The following COL11A1 variants were observed in gnomAD, a reference collection of about 807,000 sequenced individuals.
The protein encoded by COL11A1 is collagen type XI alpha 1 chain.
A neutral mutation model predicts 265.2 loss-of-function variants in COL11A1; 74 were observed. That is an observed-to-expected ratio of 0.28 (90% CI 0.23 to 0.34). The LOEUF (loss-of-function observed/expected upper bound fraction) is 0.34. COL11A1 is among the 10% of genes least tolerant of loss of function. The pLI is 1.00. For synonymous variants in COL11A1, 816 were observed against 727.6 expected, an observed-to-expected ratio of 1.12 and a Z score of -1.96; for missense variants, 2,165 against 2,263.6, an observed-to-expected ratio of 0.96 and a Z score of 0.88.
At chr1:102,946,542 A>G (rs1659292496) in intron 42 of COL11A1, among the ~76,000 whole-genome samples, 1 of 152,158 alleles carries the variant, frequency 6.6e-6, no homozygotes, top group East Asian at 1.9e-4. Flanking sequence ...GTAAAGCAGC[A>G]AGGTATAGCT....
chr1:103,082,556 G>A (rs1260932886), intron 2 of COL11A1, among the ~76,000 whole-genome samples: 2 of 152,060 alleles, frequency 1.3e-5, no homozygotes, highest in African/African-American at 4.8e-5. Flanking sequence ...TATTTTCACA[G>A]AAATGTGATT....
chr1:103,067,483 G>A (rs908145423), intron 4 of COL11A1, among the ~76,000 whole-genome samples: 4 of 151,784 alleles, frequency 2.6e-5, no homozygotes, highest in African/African-American at 9.7e-5. Context: ...AGCTAAAACT[G>A]TGTTTAGAGA....
Position 103,108,492 on chromosome 1 carries a change from T to C in COL11A1, c.-314A>G. On this transcript the variant is annotated 5_prime_UTR_variant, in exon 1 of 67. Transcript: ENST00000370096. ...GCTTCCACCAACAAGCTGAGAGTACTGTGTGCCCCTAAAGGCTTCATGCCG... is the reference window on the plus strand; with the variant it reads ...GCTTCCACCAACAAGCTGAGAGTACCGTGTGCCCCTAAAGGCTTCATGCCG... The C allele has an allele frequency of 1.7e-6, 1 of 589,270 alleles. No individual in the cohort carries two copies. The highest frequency in any genetic ancestry group is 2.1e-5 in the South Asian group (1 of 46,916). The allele number at this position is 589,270 out of a possible 1,614,324, so 36.5% of individuals were successfully genotyped here. A position where few individuals can be genotyped will look rare whatever the true frequency, so the allele number is the denominator to read the frequency against.
At chr1:102,890,417 T>C in intron 58 of COL11A1, 34 bp downstream of exon 58, 1 of 1,564,532 alleles carries the variant, frequency 6.4e-7, no homozygotes, top group Non-Finnish European at 8.7e-7. Context: ...TAAAAGCATA[T>C]TCTTTTATTA....
Position 102,912,282 on chromosome 1 carries a change from T to A in COL11A1, c.4033-70A>T, listed in dbSNP as rs1570705817. The stretch of plus-strand genomic sequence containing the variant: ...TTGTGGCCCACATAAATTTTCAAAA[T>A]CTGGATGGAAACCAACCCTCTTTCT... On this transcript the variant is annotated intron_variant, in intron 53 of 66. Transcript: ENST00000370096. 5.4e-6 allele frequency: 7 copies of A among 1,294,114 alleles called. No individual in the cohort carries two copies. The East Asian group carries it at 1.5e-4, about 28-fold the overall frequency. 80.2% of individuals were successfully genotyped at this position (1,294,114 alleles called of 1,614,324 possible). A position where few individuals can be genotyped will look rare whatever the true frequency, so the allele number is the denominator to read the frequency against.
At chr1:102,969,107 A>C (rs542967793) in intron 37 of COL11A1, among the ~76,000 whole-genome samples, 3 of 152,158 alleles carry the variant, frequency 2.0e-5, no homozygotes, top group African/African-American at 7.2e-5. Flanking sequence ...ATATCCAAAC[A>C]GTTTTTTCTT....
intron 30 of COL11A1, among the ~76,000 whole-genome samples, chr1:102,985,546 T>C (rs1663451221): frequency 6.6e-6 from 1 of 152,200 alleles, no homozygotes; most frequent in African/African-American, 2.4e-5. Flanking sequence ...CTATTTGTTT[T>C]CTTTGGTAAT....
intron 30 of COL11A1, among the ~76,000 whole-genome samples, chr1:102,985,191 A>G (rs1663417076): frequency 6.6e-6 from 1 of 152,136 alleles, no homozygotes; most frequent in African/African-American, 2.4e-5. Flanking sequence ...ATTATTTTCA[A>G]TGTACATTGA....
intron 4 of COL11A1, among the ~76,000 whole-genome samples, chr1:103,050,087 C>T (rs909941735): frequency 6.6e-6 from 1 of 152,264 alleles, no homozygotes; most frequent in East Asian, 1.9e-4. Context: ...CTTGGAGTTG[C>T]TCTTCTCAAG....
chr1:103,029,137 G>A (rs182222406), intron 5 of COL11A1, among the ~76,000 whole-genome samples: 59 of 152,090 alleles, frequency 3.9e-4, no homozygotes, highest in African/African-American at 1.3e-3. Context: ...ATGCTACTTA[G>A]AGGATACTAA....
intron 65 of COL11A1, among the ~76,000 whole-genome samples, chr1:102,880,246 G>A (rs557970140): frequency 6.7e-6 from 1 of 150,202 alleles, no homozygotes; most frequent in East Asian, 1.9e-4. Context: ...GTATCTTTTT[G>A]AAAAAAAAAT....
chr1:103,040,102 T>C (rs1668686215), intron 4 of COL11A1, among the ~76,000 whole-genome samples: 1 of 152,032 alleles, frequency 6.6e-6, no homozygotes, highest in African/African-American at 2.4e-5. Flanking sequence ...ATTTTTAAAA[T>C]ACATTTTATT....
intron 9 of COL11A1, among the ~76,000 whole-genome samples, chr1:103,019,589 C>CT (rs68133011): frequency 6.6e-6 from 1 of 151,656 alleles, no homozygotes; most frequent in African/African-American, 2.4e-5. Flanking sequence ...CTTTTTATTC[C>CT]TTTTTTTTAT....
chr1:102,887,291 TTATC>T (rs1015775450), intron 62 of COL11A1, among the ~76,000 whole-genome samples: 3 of 152,252 alleles, frequency 2.0e-5, no homozygotes, highest in African/African-American at 7.2e-5. Context: ...TTCTCACCCT[TTATC>T]TATACAATAA....
chr1:103,036,043 C>G (rs961088770), intron 4 of COL11A1, among the ~76,000 whole-genome samples: 7 of 151,250 alleles, frequency 4.6e-5, no homozygotes, highest in Non-Finnish European at 1.0e-4. Flanking sequence ...ATATTTAAAA[C>G]AAATAAGGAG....
intron 53 of COL11A1, among the ~76,000 whole-genome samples, chr1:102,913,334 T>C (rs895595394): frequency 6.6e-6 from 1 of 152,192 alleles, no homozygotes; most frequent in Non-Finnish European, 1.5e-5. Context: ...TTTAGTATTA[T>C]TAGTGATTTT....
Position 103,060,798 on chromosome 1 carries a change from C to CA in COL11A1, c.651+13819dup, listed in dbSNP as rs201877415. On this transcript the variant is annotated intron_variant, in intron 4 of 66. Transcript: ENST00000370096. ...GCAACACAGTGAGACCCTATCTCTACAAAAAAATAGAAAAGAATCAGCCAG... is the reference window on the plus strand; with the variant it reads ...GCAACACAGTGAGACCCTATCTCTACAAAAAAAATAGAAAAGAATCAGCCAG... 6.1e-3 allele frequency among the ~76,000 whole-genome samples: 929 copies of CA among 151,722 alleles called. 4 individuals carry two copies. Among genetic ancestry groups the CA allele is most frequent in the Middle Eastern group, 0.034 (10 of 294 alleles).
At chr1:102,908,627 A>T (rs1292241254) in intron 54 of COL11A1, among the ~76,000 whole-genome samples, 1 of 152,094 alleles carries the variant, frequency 6.6e-6, no homozygotes, top group Non-Finnish European at 1.5e-5. Flanking sequence ...TCAATAGTCT[A>T]TCCACTTTCC....
rs746773373 is a variant in COL11A1, at chr1:102,940,373, G to A, written c.3338C>T (p.Pro1113Leu). 1 of 1,613,986 alleles carries A rather than the reference G, an allele frequency of 6.2e-7. No homozygotes were observed. The highest frequency in any genetic ancestry group is 1.1e-5 in the South Asian group (1 of 91,076). The change falls in exon 43 of 67, where the codon CCA (proline) becomes CTA (leucine). Residue 1113 changes from proline to leucine, a missense_variant. Pro to Leu is a moderately conservative substitution (Grantham distance 98). Coordinates refer to ENST00000370096, the MANE Select transcript of COL11A1 (RefSeq NM_001854.4). The stretch of plus-strand genomic sequence containing the variant: ...GGAGCCGGCAGGACCAGCTGGCCCT[G>A]GGAGACCAACAGGACCTTGAACTCC... Reference protein sequence around the residue: ...RDGVQGPVGLPGPAGPAGSPG... With the variant: ...RDGVQGPVGLLGPAGPAGSPG...
Sources: allele counts gnomAD v4.1 joint callset (sites outside exome capture counted in the v4.1 genomes callset), GRCh38; gene constraint gnomAD v4.1.1; transcripts MANE v1.5; gene names NCBI Gene and HGNC (gene_info 2026-07-23, HGNC 2026-07-21).